The following ADGRL1 variants were observed in gnomAD, a reference collection of about 807,000 sequenced individuals.
ADGRL1 encodes the protein CIRL-1.
A neutral mutation model predicts 148.9 loss-of-function variants in ADGRL1; 31 were observed. That is an observed-to-expected ratio of 0.21 (90% confidence interval 0.16 to 0.28). ADGRL1 has a LOEUF of 0.28. ADGRL1 is among the 10% of genes least tolerant of loss of function. The pLI, the probability that ADGRL1 is intolerant of heterozygous loss-of-function variation, is 1.00. For synonymous variants in ADGRL1, 937 were observed against 900.3 expected, an observed-to-expected ratio of 1.04 and a Z score of -0.73; for missense variants, 1,521 against 2,058.8, an observed-to-expected ratio of 0.74 and a Z score of 5.05.
chr19:14,167,068 G>GAA, intron 4 of ADGRL1: 14 of 1,426,554 alleles, frequency 9.8e-6, no homozygotes, highest in South Asian at 1.3e-5. Flanking sequence ...AAAACAAATT[G>GAA]AAAAAAAAAA....
At chr19:14,205,081 G>A (rs1401355816) in intron 1 of ADGRL1, among the ~76,000 whole-genome samples, 1 of 152,020 alleles carries the variant, frequency 6.6e-6, no homozygotes, top group Non-Finnish European at 1.5e-5. Context: ...TCTTCAGATG[G>A]GGGCCAGGGG....
chr19:14,175,619 C>T (rs1970773054), intron 3 of ADGRL1, among the ~76,000 whole-genome samples: 1 of 151,102 alleles, frequency 6.6e-6, no homozygotes, highest in African/African-American at 2.5e-5. Context: ...CACACTCAGA[C>T]ACACTCAAAG....
intron 1 of ADGRL1, among the ~76,000 whole-genome samples, chr19:14,187,525 C>T (rs140336950): frequency 3.8e-4 from 58 of 151,850 alleles, no homozygotes; most frequent in East Asian, 3.1e-3. Flanking sequence ...TGCCCACTCC[C>T]GATACCAGCT....
At chr19:14,170,426 A>G in intron 4 of ADGRL1, 1 of 407,652 alleles carries the variant, frequency 2.5e-6, no homozygotes. Context: ...AAGCAGGGTG[A>G]GTGGGCTGGG....
intron 1 of ADGRL1, among the ~76,000 whole-genome samples, chr19:14,186,635 T>C (rs1971588851): frequency 6.6e-6 from 1 of 152,102 alleles, no homozygotes; most frequent in South Asian, 2.1e-4. Context: ...CAATCCGCCC[T>C]TCACTCAGAG....
At position 14,159,644 on chromosome 19, in the gene ADGRL1, G is replaced by A; in HGVS notation, c.1840-60C>T. ...CCAACACCCTCTAATTCCTGGGGGTGGGCTCTGCATGCCCTCTTCTCAACC... is the reference window on the plus strand; with the variant it reads ...CCAACACCCTCTAATTCCTGGGGGTAGGCTCTGCATGCCCTCTTCTCAACC... On this transcript the variant is annotated intron_variant, in intron 9 of 22. Coordinates refer to ENST00000361434, the MANE Select transcript of ADGRL1 (RefSeq NM_014921.5). The surrounding 1 kb of genome is among the most constrained non-coding windows in gnomAD (Gnocchi z 6.0). 2 of 1,590,046 alleles carry A rather than the reference G, an allele frequency of 1.3e-6. No individual in the cohort carries two copies. Among genetic ancestry groups the A allele is most frequent in the Non-Finnish European group, 1.7e-6 (2 of 1,160,482 alleles).
chr19:14,162,531 T>C lies in ADGRL1; in HGVS notation c.1195+75A>G. 2.2e-6 allele frequency: 3 copies of C among 1,353,256 alleles called. No individual in the cohort carries two copies. The South Asian group carries it at 4.0e-5, about 18-fold the overall frequency. The allele number at this position is 1,353,256 out of a possible 1,614,324, so 83.8% of individuals were successfully genotyped here. A position where few individuals can be genotyped will look rare whatever the true frequency, so the allele number is the denominator to read the frequency against. On this transcript the variant is annotated intron_variant, in intron 5 of 22. Coordinates refer to ENST00000361434, the MANE Select transcript of ADGRL1 (RefSeq NM_014921.5). This position sits in a 1 kb window ranked among gnomAD's most constrained non-coding sequence, Gnocchi z 5.4. ...GCTCACAGGATGGGGCTCCCCACTC[T>C]GGGACCCAGGGGTGGGTGGGGGTGG...
chr19:14,189,474 C>G (rs1186533044), intron 1 of ADGRL1, among the ~76,000 whole-genome samples: 1 of 152,164 alleles, frequency 6.6e-6, no homozygotes, highest in Non-Finnish European at 1.5e-5. Flanking sequence ...AAGTGATCTG[C>G]CCATCTTGGC....
At chr19:14,185,009 C>CT (rs760665305) in intron 1 of ADGRL1, among the ~76,000 whole-genome samples, 4 of 152,090 alleles carry the variant, frequency 2.6e-5, no homozygotes, top group Non-Finnish European at 5.9e-5. Context: ...TCTCAAACTC[C>CT]TGGGCTTAAG....
rs907174700 is a variant in ADGRL1 at position 14,152,520 on chromosome 19, G to A, written c.3517C>T (p.Arg1173Ter). The change falls in exon 20 of 23, where the codon CGA becomes TGA. Residue 1173 changes from arginine (R) to a stop codon, truncating the protein, a stop_gained. Transcript: ENST00000361434. LOFTEE classifies it high-confidence loss of function. This position sits in a 1 kb window ranked among gnomAD's most constrained non-coding sequence, Gnocchi z 6.1. ...AGGCAGAAGGATGCCTTCTCACCTC[G>A]GTTCAGGGTGGGGGTGCTGTTGATG... is the stretch of plus-strand genomic sequence containing the variant. ...GDINSTPTLN[R>*]GTMGNHLLTN... 3.1e-6 allele frequency: 5 copies of A among 1,613,972 alleles called. No individual in the cohort carries two copies. The highest frequency in any genetic ancestry group is 3.4e-6 in the Non-Finnish European group (4 of 1,179,868).
intron 2 of ADGRL1, 51 bp from the exon 3 acceptor site, chr19:14,177,795 G>A: frequency 3.3e-6 from 5 of 1,534,206 alleles, no homozygotes; most frequent in African/African-American, 1.4e-5. Context: ...GCCAGGAAGG[G>A]AAGACCCTAC....
At chr19:14,190,045 A>G (rs1231090120) in intron 1 of ADGRL1, among the ~76,000 whole-genome samples, 1 of 151,980 alleles carries the variant, frequency 6.6e-6, no homozygotes, top group Non-Finnish European at 1.5e-5. Context: ...CTCGTGCCTC[A>G]GCCTCCTAAG....
chr19:14,181,721 A>C (rs904846911), intron 2 of ADGRL1, among the ~76,000 whole-genome samples: 4 of 152,154 alleles, frequency 2.6e-5, no homozygotes, highest in Non-Finnish European at 5.9e-5. Context: ...ACTCCATCTC[A>C]AAATAAAAAC....
At chr19:14,163,847 T>C (rs898673432) in intron 4 of ADGRL1, among the ~76,000 whole-genome samples, 1 of 152,002 alleles carries the variant, frequency 6.6e-6, no homozygotes, top group Admixed American at 6.5e-5. Context: ...ACTTTGACGG[T>C]CCAGGGACTC....
At chr19:14,173,834 C>T (rs1970638101) in intron 3 of ADGRL1, among the ~76,000 whole-genome samples, 1 of 151,486 alleles carries the variant, frequency 6.6e-6, no homozygotes, top group Admixed American at 6.6e-5. Context: ...GTAGTCCCAG[C>T]CACTTGCGAG....
chr19:14,204,942 G>T (rs1266402049), intron 1 of ADGRL1, among the ~76,000 whole-genome samples: 1 of 152,082 alleles, frequency 6.6e-6, no homozygotes, highest in Non-Finnish European at 1.5e-5. Context: ...TGGCATGGCT[G>T]GGGGTGGATG....
chr19:14,200,437 C>T (rs1243010773), intron 1 of ADGRL1, among the ~76,000 whole-genome samples: 2 of 152,192 alleles, frequency 1.3e-5, no homozygotes, highest in Non-Finnish European at 2.9e-5. Flanking sequence ...CATGGTCAGG[C>T]CCCCGCCTGC....
rs972476828 is a variant in ADGRL1, at chr19:14,155,699, C to T, written c.3126-172G>A. 8.0e-6 allele frequency: 5 copies of T among 624,256 alleles called. No homozygotes were observed. Among genetic ancestry groups the T allele is most frequent in the Non-Finnish European group, 1.4e-5 (5 of 359,826 alleles). 38.7% of individuals were successfully genotyped at this position (624,256 alleles called of 1,614,324 possible). A position where few individuals can be genotyped will look rare whatever the true frequency, so the allele number is the denominator to read the frequency against. On this transcript the variant is annotated intron_variant, in intron 17 of 22. Transcript: ENST00000361434. This position sits in a 1 kb window ranked among gnomAD's most constrained non-coding sequence, Gnocchi z 5.0. ...CAGTGGCCTGCCCAGGACACCTCCA[C>T]CGGAGCCTGGGCCTGAGGGAAAGGT...
At chr19:14,183,846 GC>G in intron 1 of ADGRL1, 149 bp from the exon 2 acceptor site, 1 of 537,530 alleles carries the variant, frequency 1.9e-6, no homozygotes. Flanking sequence ...GGGGTCTGCA[GC>G]TCACACCACA....
Sources: allele counts gnomAD v4.1 joint callset (sites outside exome capture counted in the v4.1 genomes callset), GRCh38; gene constraint gnomAD v4.1.1; non-coding constraint Gnocchi (gnomAD v3.1); transcripts MANE v1.5; gene names NCBI Gene and HGNC (gene_info 2026-07-23, HGNC 2026-07-21).